The following IDE variants were observed in gnomAD, a reference collection of about 807,000 sequenced individuals.
IDE encodes insulin-degrading enzyme.
In IDE, 58 loss-of-function variants were observed where a neutral mutation model predicts 133.2. That is an observed-to-expected ratio of 0.44 (90% CI 0.35 to 0.54). The LOEUF (loss-of-function observed/expected upper bound fraction) is 0.54. IDE is among the 20% of genes least tolerant of loss of function. The probability of loss-of-function intolerance (pLI) is 0.00; values close to 1 mark genes in which losing one functional copy is unlikely to be tolerated. For synonymous variants in IDE, 396 were observed against 421.3 expected, an observed-to-expected ratio of 0.94 and a Z score of 0.73; for missense variants, 981 against 1,234.0, an observed-to-expected ratio of 0.79 and a Z score of 3.07.
At chr10:92,457,418 T>G (rs1386928566) in intron 22 of IDE, among the ~76,000 whole-genome samples, 1 of 152,146 alleles carries the variant, frequency 6.6e-6, no homozygotes, top group Non-Finnish European at 1.5e-5. Context: ...TTACATGAAT[T>G]ACATGGGTCA....
intron 14 of IDE, among the ~76,000 whole-genome samples, chr10:92,479,961 A>C (rs1263900040): frequency 1.3e-5 from 2 of 152,266 alleles, no homozygotes; most frequent in Non-Finnish European, 2.9e-5. Context: ...TCCCCAAAAC[A>C]GTAAAGCTAG....
intron 1 of IDE, among the ~76,000 whole-genome samples, chr10:92,540,534 G>A (rs538798311): frequency 6.6e-6 from 1 of 152,212 alleles, no homozygotes; most frequent in Admixed American, 6.5e-5. Context: ...CTTACCCCAG[G>A]CAAGAATCTA....
At chr10:92,535,935 C>T (rs1841975285) in intron 2 of IDE, among the ~76,000 whole-genome samples, 1 of 151,618 alleles carries the variant, frequency 6.6e-6, no homozygotes. Context: ...ACTAGGGAGG[C>T]TGAGGTAGGA....
In IDE at chr10:92,515,560, C is replaced by CT. The variant is rs770666032; in HGVS notation, c.662-519dup. On this transcript the variant is annotated intron_variant, in intron 4 of 24. Coordinates refer to ENST00000265986, the MANE Select transcript of IDE (RefSeq NM_004969.4). ...AGGCATGAGCAACCGCGCACCCGGCCTTTTTTTTTTTTTTTTTTGAGACGG... is the reference window on the plus strand; with the variant it reads ...AGGCATGAGCAACCGCGCACCCGGCCTTTTTTTTTTTTTTTTTTTGAGACGG... 9.1e-3 allele frequency among the ~76,000 whole-genome samples: 970 copies of CT among 106,708 alleles called. 12 individuals carry two copies. The highest frequency in any genetic ancestry group is 0.02 in the African/African-American group (581 of 28,826). The allele number at this position is 106,708 out of a possible 152,430, so 70.0% of individuals were successfully genotyped here.
At chr10:92,454,669 A>T in intron 24 of IDE, 130 bp from the exon 25 acceptor site, 3 of 662,044 alleles carry the variant, frequency 4.5e-6, no homozygotes, top group Non-Finnish European at 8.2e-6. Flanking sequence ...TTTTGGCTTG[A>T]GGCCGCTCTA....
chr10:92,494,195 G>A (rs1032076954), intron 11 of IDE, among the ~76,000 whole-genome samples: 2 of 151,084 alleles, frequency 1.3e-5, no homozygotes, highest in Non-Finnish European at 2.9e-5. Flanking sequence ...TCAAGTAGCT[G>A]GGACTACAGG....
At chr10:92,455,767 T>A (rs1844974909) in intron 23 of IDE, 124 bp from the exon 24 acceptor site, 2 of 615,800 alleles carry the variant, frequency 3.2e-6, no homozygotes, top group Non-Finnish European at 5.8e-6. Flanking sequence ...CATGTACTTC[T>A]CAGATCCTCT....
intron 4 of IDE, among the ~76,000 whole-genome samples, chr10:92,525,735 C>A (rs1269909230): frequency 7.5e-6 from 1 of 133,832 alleles, no homozygotes; most frequent in African/African-American, 2.9e-5. Flanking sequence ...TTTCTATATG[C>A]CAACAGTGAA....
In IDE at chr10:92,475,999, A is replaced by G. The variant is rs1207929439; in HGVS notation, c.1885-5T>C. 3.1e-6 allele frequency: 4 copies of G among 1,276,612 alleles called. No homozygotes were observed. Among genetic ancestry groups the G allele is most frequent in the Non-Finnish European group, 4.5e-6 (4 of 892,946 alleles). 79.1% of individuals were successfully genotyped at this position (1,276,612 alleles called of 1,614,324 possible). A position where few individuals can be genotyped will look rare whatever the true frequency, so the allele number is the denominator to read the frequency against. On this transcript the variant is annotated splice_region_variant and splice_polypyrimidine_tract_variant and intron_variant, in intron 15 of 24. Coordinates refer to ENST00000265986, the MANE Select transcript of IDE (RefSeq NM_004969.4). Reference sequence around the variant, plus strand: ...ATTGTAACCTTTCACTGAAAGCTACAGAAAGAATTCAGGGTATTAAAAGTC... The same window carrying G: ...ATTGTAACCTTTCACTGAAAGCTACGGAAAGAATTCAGGGTATTAAAAGTC...
intron 17 of IDE, 71 bp from the exon 18 acceptor site, chr10:92,470,416 T>A: frequency 1.1e-6 from 1 of 952,244 alleles, no homozygotes; most frequent in Non-Finnish European, 1.6e-6. Flanking sequence ...ATTTGAGACT[T>A]ACAGAAGACT....
chr10:92,509,311 G>A (rs1012187600), intron 6 of IDE, among the ~76,000 whole-genome samples: 1 of 152,140 alleles, frequency 6.6e-6, no homozygotes, highest in African/African-American at 2.4e-5. Flanking sequence ...ACCACATGGG[G>A]GCCGGGTGCG....
chr10:92,565,409 C>CA (rs5787003), intron 1 of IDE, among the ~76,000 whole-genome samples: 15 of 114,870 alleles, frequency 1.3e-4, no homozygotes, highest in Non-Finnish European at 2.0e-4. Context: ...GACTCCATCT[C>CA]AAAAAAAAAA....
intron 12 of IDE, among the ~76,000 whole-genome samples, chr10:92,487,718 C>T (rs192700336): frequency 2.6e-5 from 4 of 152,342 alleles, no homozygotes. Flanking sequence ...ATATAAGAGC[C>T]ATACTTTCAG....
intron 16 of IDE, 107 bp downstream of exon 16, chr10:92,475,777 C>A (rs1846222121): frequency 1.8e-6 from 1 of 554,972 alleles, no homozygotes; most frequent in Non-Finnish European, 3.1e-6. Context: ...GTTATGAATT[C>A]TTCTTTTCCT....
intron 4 of IDE, among the ~76,000 whole-genome samples, chr10:92,517,094 GA>G (rs1295769986): frequency 3.3e-5 from 5 of 152,152 alleles, no homozygotes; most frequent in Non-Finnish European, 7.4e-5. Context: ...GTATGTTCTT[GA>G]AGTGGTTTAA....
At chr10:92,479,627 G>A (rs557432718) in intron 14 of IDE, 17 of 493,926 alleles carry the variant, frequency 3.4e-5, no homozygotes, top group South Asian at 2.5e-4. Flanking sequence ...GTGTGTGTGT[G>A]TGCATGCGTG....
intron 1 of IDE, among the ~76,000 whole-genome samples, chr10:92,566,004 A>G (rs1843523302): frequency 1.2e-5 from 1 of 80,356 alleles, no homozygotes; most frequent in Non-Finnish European, 3.0e-5. Context: ...ATCTGAAAGA[A>G]AAAAAAAAAA....
chr10:92,461,309 C>G, intron 21 of IDE, 57 bp from the exon 22 acceptor site: 3 of 829,732 alleles, frequency 3.6e-6, no homozygotes, highest in Non-Finnish European at 6.2e-6. Flanking sequence ...CAGCCCAGAA[C>G]AGTACACTAA....
chr10:92,459,181 G>GT (rs1358476214), intron 22 of IDE, among the ~76,000 whole-genome samples: 1 of 152,204 alleles, frequency 6.6e-6, no homozygotes, highest in East Asian at 1.9e-4. Flanking sequence ...TTGCAGAAGA[G>GT]TTGCTGGGAG....
Sources: allele counts gnomAD v4.1 joint callset (sites outside exome capture counted in the v4.1 genomes callset), GRCh38; gene constraint gnomAD v4.1.1; transcripts MANE v1.5; gene names NCBI Gene and HGNC (gene_info 2026-07-23, HGNC 2026-07-21).